The following XIRP2 variants were observed in gnomAD, a reference collection of about 807,000 sequenced individuals.
XIRP2 encodes the protein xin actin binding repeat containing 2.
Under a neutral mutation model 277.0 loss-of-function variants are expected in XIRP2, and 236 were observed. That is an observed-to-expected ratio of 0.85 (90% CI 0.77 to 0.95). The LOEUF is 0.95. Among genes scored for constraint, XIRP2 ranks in the 40% least tolerant of loss-of-function variants. The pLI, the probability that XIRP2 is intolerant of heterozygous loss-of-function variation, is 0.00. For missense variants in XIRP2, 4,640 were observed against 4,157.5 expected, an observed-to-expected ratio of 1.12 and a Z score of -3.19; for synonymous variants, 1,490 against 1,416.5, an observed-to-expected ratio of 1.05 and a Z score of -1.17.
Position 167,239,708 on chromosome 2 carries a change from T to A in XIRP2, c.859-147T>A, listed in dbSNP as rs1694997913. The A allele has an allele frequency of 5.2e-5, 34 of 653,050 alleles. No homozygotes were observed. The East Asian group carries it at 1.0e-3, about 20-fold the overall frequency. 40.5% of individuals were successfully genotyped at this position (653,050 alleles called of 1,614,324 possible). A position where few individuals can be genotyped will look rare whatever the true frequency, so the allele number is the denominator to read the frequency against. ...TTATGCCATTTTAAGCCACTAAACT[T>A]GTGGTAATTTGTTATAGCAGCCAAG... On this transcript the variant is annotated intron_variant, in intron 5 of 10. Transcript: ENST00000409195.
intron 2 of XIRP2, among the ~76,000 whole-genome samples, chr2:166,928,131 G>A (rs979528253): frequency 6.6e-6 from 1 of 152,116 alleles, no homozygotes; most frequent in African/African-American, 2.4e-5. Flanking sequence ...TGGCAGAAAA[G>A]CCCTGAGGTT....
chr2:166,923,568 A>G (rs1685108806), intron 2 of XIRP2, among the ~76,000 whole-genome samples: 1 of 152,088 alleles, frequency 6.6e-6, no homozygotes, highest in African/African-American at 2.4e-5. Context: ...AAGTGACTGA[A>G]GTAGAAAGAT....
intron 3 of XIRP2, among the ~76,000 whole-genome samples, chr2:167,170,566 A>T (rs1226862897): frequency 1.3e-5 from 2 of 151,864 alleles, no homozygotes; most frequent in African/African-American, 4.8e-5. Flanking sequence ...GATTCACATC[A>T]TCTGAGTTGT....
chr2:167,027,058 T>A (rs1037165797), intron 2 of XIRP2, among the ~76,000 whole-genome samples: 2 of 152,180 alleles, frequency 1.3e-5, no homozygotes, highest in African/African-American at 4.8e-5. Context: ...CCTGCCTTTA[T>A]AGATTGGGGA....
At chr2:167,227,276 G>T (rs936770153) in intron 5 of XIRP2, among the ~76,000 whole-genome samples, 2 of 152,132 alleles carry the variant, frequency 1.3e-5, no homozygotes, top group Admixed American at 6.6e-5. Flanking sequence ...AAGGCTTAAA[G>T]AAATCATGGT....
At position 166,971,515 on chromosome 2, in the gene XIRP2, A is replaced by T. The variant is rs56208554; in HGVS notation, c.408+67625A>T. Among the ~76,000 whole-genome samples, 1,496 of 152,134 alleles carry T rather than the reference A, an allele frequency of 9.8e-3. 30 individuals are homozygous for T. Among genetic ancestry groups the T allele is most frequent in the African/African-American group, 0.034 (1,412 of 41,524 alleles). On this transcript the variant is annotated intron_variant, in intron 2 of 10. Coordinates refer to ENST00000409195, the MANE Select transcript of XIRP2 (RefSeq NM_152381.6). The stretch of plus-strand genomic sequence containing the variant: ...TCTGATATTTTGGACTCCCTACTCA[A>T]CTACTCTCTTCCACAAGCTTGTGAT...
At chr2:166,890,108 G>A (rs13388793) in intron 1 of XIRP2, among the ~76,000 whole-genome samples, 13,496 of 151,806 alleles carry the variant, frequency 0.089, 740 homozygotes, top group Middle Eastern at 0.15. Flanking sequence ...CGATTCTCCT[G>A]CCTCAGCCTC....
At chr2:166,958,301 C>G (rs536686289) in intron 2 of XIRP2, among the ~76,000 whole-genome samples, 2 of 151,800 alleles carry the variant, frequency 1.3e-5, no homozygotes, top group Non-Finnish European at 2.9e-5. Context: ...TCAGATGACT[C>G]AATTGCAGAG....
chr2:167,108,038 T>C (rs1349497419), intron 2 of XIRP2, among the ~76,000 whole-genome samples: 3 of 151,802 alleles, frequency 2.0e-5, no homozygotes, highest in African/African-American at 7.2e-5. Flanking sequence ...TTAATACTTA[T>C]GGAGTTATAC....
intron 5 of XIRP2, among the ~76,000 whole-genome samples, chr2:167,235,992 A>T (rs935125112): frequency 6.6e-6 from 1 of 151,948 alleles, no homozygotes; most frequent in Admixed American, 6.6e-5. Context: ...TTTTGCTCAC[A>T]TGAACAGCCT....
chr2:166,918,027 G>A (rs542159097), intron 2 of XIRP2, among the ~76,000 whole-genome samples: 1 of 152,172 alleles, frequency 6.6e-6, no homozygotes, highest in African/African-American at 2.4e-5. Context: ...GTTTTTTCAT[G>A]GTTACAGATT....
chr2:167,074,010 T>G (rs1390111709), intron 2 of XIRP2, among the ~76,000 whole-genome samples: 1 of 152,220 alleles, frequency 6.6e-6, no homozygotes, highest in East Asian at 1.9e-4. Flanking sequence ...GGAATATTTC[T>G]TTGATACTCC....
At chr2:167,173,637 G>A (rs1028093316) in intron 3 of XIRP2, among the ~76,000 whole-genome samples, 2 of 152,066 alleles carry the variant, frequency 1.3e-5, no homozygotes, top group African/African-American at 4.8e-5. Context: ...CTTTTTTGAG[G>A]AAATATACCC....
intron 2 of XIRP2, among the ~76,000 whole-genome samples, chr2:166,905,762 G>T (rs1245739035): frequency 3.3e-5 from 5 of 151,840 alleles, no homozygotes; most frequent in African/African-American, 1.2e-4. Context: ...CTACAACAAA[G>T]GGGACGAGGA....
intron 2 of XIRP2, among the ~76,000 whole-genome samples, chr2:166,941,574 G>T (rs1364466013): frequency 6.6e-6 from 1 of 152,098 alleles, no homozygotes; most frequent in Admixed American, 6.5e-5. Flanking sequence ...TTCCTAATTG[G>T]CCATCTTGGA....
rs767710218 is a variant in XIRP2 at position 167,251,498 on chromosome 2, G to A, written c.10106G>A (p.Arg3369His). The A allele has an allele frequency of 8.1e-5, 130 of 1,613,296 alleles. No individual in the cohort carries two copies. Among genetic ancestry groups the A allele is most frequent in the Non-Finnish European group, 1.0e-4 (122 of 1,179,610 alleles). ...AACCATAACATACAACAAGAAAGTC[G>A]TACATTTTGTAAGGAGGAATTTGGA... ...ETNHNIQQES[R>H]TFCKEEFGLT... Residue 3369 changes from arginine to histidine, a missense_variant, in exon 9 of 11, where the codon CGT becomes CAT. Coordinates refer to ENST00000409195, the MANE Select transcript of XIRP2 (RefSeq NM_152381.6).
At chr2:167,074,007 T>A (rs984847329) in intron 2 of XIRP2, among the ~76,000 whole-genome samples, 1 of 152,212 alleles carries the variant, frequency 6.6e-6, no homozygotes, top group Non-Finnish European at 1.5e-5. Context: ...TCAGGAATAT[T>A]TCTTTGATAC....
At chr2:167,108,413 A>C (rs1690663461) in intron 2 of XIRP2, among the ~76,000 whole-genome samples, 1 of 152,006 alleles carries the variant, frequency 6.6e-6, no homozygotes, top group Admixed American at 6.6e-5. Context: ...GGATCTTAAA[A>C]TAGGACCATA....
intron 2 of XIRP2, among the ~76,000 whole-genome samples, chr2:167,053,816 CA>C (rs1217989800): frequency 2.0e-5 from 3 of 152,052 alleles, no homozygotes; most frequent in Non-Finnish European, 4.4e-5. Flanking sequence ...TATCAGTCAG[CA>C]AAATTGCATT....
Sources: gnomAD v4.1 joint callset for allele counts (sites outside exome capture counted in the v4.1 genomes callset) on GRCh38, gnomAD v4.1.1 for gene constraint, MANE v1.5 for transcripts, NCBI Gene and HGNC (gene_info 2026-07-23, HGNC 2026-07-21) for gene names.